The following ABTB3 variants were observed in gnomAD, a reference collection of about 807,000 sequenced individuals.
ABTB3 encodes ankyrin repeat and BTB domain containing 3.
chr12:107,604,168 C>CA, the ABTB3 span, among the ~76,000 whole-genome samples: 24 of 148,496 alleles, frequency 1.6e-4, no homozygotes, highest in Admixed American at 7.4e-4. Context: ...GACTCCATCT[C>CA]AAAAAAAAAT....
the ABTB3 span, among the ~76,000 whole-genome samples, chr12:107,548,979 T>C: frequency 1.3e-5 from 2 of 152,202 alleles, no homozygotes; most frequent in Admixed American, 1.3e-4. Context: ...CAGCTTCACT[T>C]GGAAAACTAG....
At chr12:107,448,645 C>CTTTTT in the ABTB3 span, among the ~76,000 whole-genome samples, 3 of 134,036 alleles carry the variant, frequency 2.2e-5, no homozygotes, top group African/African-American at 1.0e-4. Context: ...TTCTTTCTTT[C>CTTTTT]TTTTTTTTTT....
chr12:107,584,259 T>G, the ABTB3 span, among the ~76,000 whole-genome samples: 1 of 152,200 alleles, frequency 6.6e-6, no homozygotes, highest in Non-Finnish European at 1.5e-5. Context: ...ACCCACCCTG[T>G]TCCTTACACT....
the ABTB3 span, among the ~76,000 whole-genome samples, chr12:107,645,821 A>G: frequency 2.6e-5 from 4 of 152,236 alleles, no homozygotes; most frequent in African/African-American, 9.6e-5. Context: ...TGACGGGGGA[A>G]GGTTTCCTGG....
At chr12:107,549,764 G>A in the ABTB3 span, among the ~76,000 whole-genome samples, 1 of 152,164 alleles carries the variant, frequency 6.6e-6, no homozygotes. Context: ...ATCCCAGATT[G>A]ACAAATTACA....
the ABTB3 span, among the ~76,000 whole-genome samples, chr12:107,485,261 T>C: frequency 6.6e-6 from 1 of 152,118 alleles, no homozygotes; most frequent in Non-Finnish European, 1.5e-5. Context: ...TTTCAGGAGA[T>C]TAAAAAAACT....
chr12:107,433,989 T>C, the ABTB3 span, among the ~76,000 whole-genome samples: 1 of 152,178 alleles, frequency 6.6e-6, no homozygotes, highest in Admixed American at 6.5e-5. Flanking sequence ...ATGGGGACAC[T>C]CATCTCATTC....
chr12:107,335,432 C>T, the ABTB3 span, among the ~76,000 whole-genome samples: 1 of 148,152 alleles, frequency 6.7e-6, no homozygotes, highest in South Asian at 2.3e-4. Context: ...CTCAGTATAT[C>T]ATCTATAAAC....
At chr12:107,657,927 C>G in the ABTB3 span, 1 of 601,124 alleles carries the variant, frequency 1.7e-6, no homozygotes, top group Non-Finnish European at 2.9e-6. Context: ...TAATGGGCAA[C>G]TGGACAACCA....
At chr12:107,400,558 G>A in the ABTB3 span, among the ~76,000 whole-genome samples, 2 of 152,060 alleles carry the variant, frequency 1.3e-5, no homozygotes, top group African/African-American at 4.8e-5. Context: ...TTTCTAGCCC[G>A]AGTCTCCTTA....
the ABTB3 span, among the ~76,000 whole-genome samples, chr12:107,496,942 A>G: frequency 3.9e-5 from 6 of 152,022 alleles, no homozygotes; most frequent in South Asian, 2.1e-4. Flanking sequence ...TCTTTCTTTC[A>G]TTCTGTTCCA....
chr12:107,456,121 A>C, the ABTB3 span, among the ~76,000 whole-genome samples: 3 of 152,226 alleles, frequency 2.0e-5, no homozygotes, highest in Non-Finnish European at 2.9e-5. Context: ...TGTGCCAATA[A>C]CTACCGTAAG....
chr12:107,650,815 T>A, the ABTB3 span: 1 of 152,284 alleles, frequency 6.6e-6, no homozygotes. Context: ...CACGGCTGTT[T>A]ACAACTAACT....
the ABTB3 span, among the ~76,000 whole-genome samples, chr12:107,335,045 G>C: frequency 6.6e-6 from 1 of 152,026 alleles, no homozygotes; most frequent in Non-Finnish European, 1.5e-5. Flanking sequence ...CAGTGCTTTG[G>C]GAGTCCAAGG....
the ABTB3 span, among the ~76,000 whole-genome samples, chr12:107,656,147 A>G: frequency 6.6e-6 from 1 of 151,734 alleles, no homozygotes; most frequent in South Asian, 2.1e-4. Flanking sequence ...AAAAAAAAAA[A>G]AAAAATAGCC....
At chr12:107,463,432 G>C in the ABTB3 span, among the ~76,000 whole-genome samples, 1 of 152,124 alleles carries the variant, frequency 6.6e-6, no homozygotes, top group Non-Finnish European at 1.5e-5. Flanking sequence ...TGGCCACCTT[G>C]ATTAGCACTT....
At chr12:107,428,382 A>G in the ABTB3 span, among the ~76,000 whole-genome samples, 88 of 152,158 alleles carry the variant, frequency 5.8e-4, no homozygotes, top group Non-Finnish European at 1.2e-3. Flanking sequence ...CCTGCCCTGG[A>G]TGTCCTCGGG....
chr12:107,416,918 C>A, the ABTB3 span, among the ~76,000 whole-genome samples: 1 of 152,182 alleles, frequency 6.6e-6, no homozygotes, highest in African/African-American at 2.4e-5. Flanking sequence ...TAGGCCTGAG[C>A]CACCGTGCCC....
At chr12:107,500,639 C>T in the ABTB3 span, among the ~76,000 whole-genome samples, 29 of 152,308 alleles carry the variant, frequency 1.9e-4, 1 homozygote, top group Admixed American at 1.1e-3. Flanking sequence ...GCTCAGGCCA[C>T]GACTGTGTAA....
Sources: gnomAD v4.1 joint callset for allele counts (sites outside exome capture counted in the v4.1 genomes callset) on GRCh38, gnomAD v4.1.1 for gene constraint, MANE v1.5 for transcripts, NCBI Gene and HGNC (gene_info 2026-07-23, HGNC 2026-07-21) for gene names.